Variants in ANAPC7 observed in about 807,000 individuals in gnomAD.
The protein encoded by ANAPC7 is anaphase-promoting complex subunit 7.
A neutral mutation model predicts 63.3 loss-of-function variants in ANAPC7; 25 were observed. The ratio of observed to expected loss-of-function variants is 0.39; its 90% CI spans 0.29 to 0.55. The LOEUF (loss-of-function observed/expected upper bound fraction) is 0.55. Ranked by LOEUF, ANAPC7 falls within the 20% of genes least tolerant of loss-of-function variation. The pLI, the probability that ANAPC7 is intolerant of heterozygous loss-of-function variation, is 0.57. For missense variants in ANAPC7, 516 were observed against 691.7 expected (o/e 0.75, Z 2.85); for synonymous variants, 241 against 251.7 (o/e 0.96, Z 0.40).
At chr12:110,383,875 CAAAAAAAAAAAAAAA>C (rs1159374781) in intron 6 of ANAPC7, among the ~76,000 whole-genome samples, 1 of 50,678 alleles carries the variant, frequency 2.0e-5, no homozygotes, top group Admixed American at 3.1e-4. Flanking sequence ...GACTCCGTCT[CAAAAAAAAAAAAAAA>C]AAAAAAAAGA....
At chr12:110,380,683 G>A (rs1204989413) in intron 8 of ANAPC7, among the ~76,000 whole-genome samples, 8 of 145,856 alleles carry the variant, frequency 5.5e-5, no homozygotes, top group Admixed American at 2.8e-4. Context: ...ACCCGGGCAC[G>A]GTGGCTCACG....
At chr12:110,383,795 G>C (rs994791567) in intron 6 of ANAPC7, among the ~76,000 whole-genome samples, 4 of 134,378 alleles carry the variant, frequency 3.0e-5, no homozygotes, top group Non-Finnish European at 6.2e-5. Flanking sequence ...AGAATCGCTT[G>C]AATCAGGGAG....
chr12:110,402,780 C>A (rs878930019), intron 1 of ANAPC7, among the ~76,000 whole-genome samples: 1 of 151,272 alleles, frequency 6.6e-6, no homozygotes, highest in Non-Finnish European at 1.5e-5. Context: ...CTGTCGCCCA[C>A]GGTAAAGGAC....
chr12:110,388,640 A>G lies in ANAPC7; in HGVS notation c.409-17T>C, dbSNP rs1463315487. ...CATGTTTATCTGTACAAACACAAAT[A>G]ACAGATAGCAAAATAAGCGTATATT... On this transcript the variant is annotated splice_polypyrimidine_tract_variant and intron_variant, in intron 3 of 10. Transcript: ENST00000455511. 1.3e-6 allele frequency: 2 copies of G among 1,558,130 alleles called. No individual in the cohort carries two copies. The highest frequency in any genetic ancestry group is 4.5e-5 in the East Asian group (2 of 44,606).
chr12:110,397,207 C>CA (rs75590061), intron 1 of ANAPC7, among the ~76,000 whole-genome samples: 62 of 145,622 alleles, frequency 4.3e-4, no homozygotes, highest in African/African-American at 1.3e-3. Context: ...TCAACAACAA[C>CA]AAAAAAAAAC....
chr12:110,403,194 CGA>C (rs2062258631), intron 1 of ANAPC7, among the ~76,000 whole-genome samples: 1 of 152,166 alleles, frequency 6.6e-6, no homozygotes, highest in Non-Finnish European at 1.5e-5. Flanking sequence ...TGGAAGGAGC[CGA>C]GAGGGAAGGA....
intron 1 of ANAPC7, among the ~76,000 whole-genome samples, chr12:110,398,186 G>C (rs28554115): frequency 0.15 from 22,458 of 151,656 alleles, 2,341 homozygotes; most frequent in African/African-American, 0.3. Context: ...GCAGAGGTTG[G>C]GGTGAGCCAA....
intron 4 of ANAPC7, 68 bp from the exon 5 acceptor site, chr12:110,387,960 C>T (rs756894970): frequency 3.7e-5 from 57 of 1,544,842 alleles, no homozygotes; most frequent in Non-Finnish European, 4.4e-5. Context: ...CAAGGAGCAA[C>T]GGGCTACATC....
chr12:110,391,593 G>A (rs1352322925), intron 3 of ANAPC7, among the ~76,000 whole-genome samples: 1 of 152,122 alleles, frequency 6.6e-6, no homozygotes, highest in Non-Finnish European at 1.5e-5. Context: ...ACAGAATGAA[G>A]GATATGTACT....
chr12:110,402,933 G>A (rs1239472911), intron 1 of ANAPC7, among the ~76,000 whole-genome samples: 2 of 151,670 alleles, frequency 1.3e-5, no homozygotes, highest in African/African-American at 4.8e-5. Flanking sequence ...GTAGAGGCAG[G>A]GTCTCCCTAT....
intron 10 of ANAPC7, 92 bp from the exon 11 acceptor site, chr12:110,374,425 C>T: frequency 7.9e-7 from 1 of 1,264,808 alleles, no homozygotes; most frequent in Admixed American, 2.3e-5. Context: ...GTGAAATGAC[C>T]ACACAGTCCC....
chr12:110,395,000 G>A (rs1369994723), intron 3 of ANAPC7, 101 bp downstream of exon 3: 6 of 1,367,890 alleles, frequency 4.4e-6, no homozygotes, highest in South Asian at 1.6e-5. Flanking sequence ...TAGAATCATG[G>A]GTAAAATGTT....
intron 6 of ANAPC7, among the ~76,000 whole-genome samples, chr12:110,385,626 A>G (rs1032352668): frequency 2.6e-5 from 4 of 152,176 alleles, no homozygotes; most frequent in Non-Finnish European, 4.4e-5. Flanking sequence ...ATCCTTCTAG[A>G]TCTGCTTCCT....
Position 110,374,017 on chromosome 12 carries a change from G to A in ANAPC7, c.*127C>T, listed in dbSNP as rs1419471343. ...ACGACTAGGAATTGGGAGCGAGGGG[G>A]CAGAGACCCCTGCTGCAATCACATG... is the stretch of plus-strand genomic sequence containing the variant. On this transcript the variant is annotated 3_prime_UTR_variant, in exon 11 of 11. Transcript: ENST00000455511. The A allele has an allele frequency of 1.8e-6, 2 of 1,106,774 alleles. No homozygotes were observed. Among genetic ancestry groups the A allele is most frequent in the Non-Finnish European group, 2.5e-6 (2 of 797,656 alleles). 68.6% of individuals were successfully genotyped at this position (1,106,774 alleles called of 1,614,324 possible).
At chr12:110,398,935 C>T (rs1003498867) in intron 1 of ANAPC7, among the ~76,000 whole-genome samples, 7 of 151,846 alleles carry the variant, frequency 4.6e-5, no homozygotes, top group Non-Finnish European at 8.8e-5. Context: ...CAACAAGAGC[C>T]AAACTCCATC....
At chr12:110,374,410 C>T (rs1019854357) in intron 10 of ANAPC7, 77 bp from the exon 11 acceptor site, 5 of 1,453,674 alleles carry the variant, frequency 3.4e-6, no homozygotes, top group Non-Finnish European at 3.8e-6. Context: ...CTCCCTGGCC[C>T]GGCAGTGAAA....
intron 6 of ANAPC7, among the ~76,000 whole-genome samples, chr12:110,383,539 G>A (rs938105693): frequency 2.6e-5 from 4 of 152,042 alleles, no homozygotes; most frequent in Admixed American, 6.6e-5. Flanking sequence ...AGGAGTTCAA[G>A]ACCAGCCTGG....
chr12:110,382,496 T>TATATATATATA (rs1566264542), intron 7 of ANAPC7, among the ~76,000 whole-genome samples: 7 of 80,032 alleles, frequency 8.7e-5, no homozygotes, highest in African/African-American at 3.3e-4. Context: ...ATATATATAT[T>TATATATATATA]TATAGAGACA....
chr12:110,383,064 C>T, intron 6 of ANAPC7, 104 bp from the exon 7 acceptor site: 1 of 764,034 alleles, frequency 1.3e-6, no homozygotes. Flanking sequence ...GAGGCCCCAG[C>T]TCCTGCAGGG....
Sources: gnomAD v4.1 joint callset for allele counts (sites outside exome capture counted in the v4.1 genomes callset) on GRCh38, gnomAD v4.1.1 for gene constraint, MANE v1.5 for transcripts, NCBI Gene and HGNC (gene_info 2026-07-23, HGNC 2026-07-21) for gene names.